The following CADPS variants were observed in gnomAD, a reference collection of about 807,000 sequenced individuals.
CADPS encodes calcium dependent secretion activator.
CADPS carries 57 observed loss-of-function variants against 167.3 expected under a neutral mutation model. That is an observed-to-expected ratio of 0.34 (90% CI 0.28 to 0.42). The LOEUF (loss-of-function observed/expected upper bound fraction) is 0.42. Ranked by LOEUF, CADPS falls within the 20% of genes least tolerant of loss-of-function variation. The pLI is 1.00. For synonymous variants in CADPS, 676 were observed against 635.3 expected (o/e 1.06, Z -0.96); for missense variants, 1,414 against 1,738.1 (o/e 0.81, Z 3.32).
At chr3:62,484,709 A>G (rs1461457363) in intron 21 of CADPS, among the ~76,000 whole-genome samples, 1 of 152,194 alleles carries the variant, frequency 6.6e-6, no homozygotes, top group Admixed American at 6.5e-5. Flanking sequence ...ATGGATAGAA[A>G]TGAGTGGAGG....
intron 11 of CADPS, among the ~76,000 whole-genome samples, chr3:62,547,674 A>T (rs1174186142): frequency 7.1e-6 from 1 of 140,006 alleles, no homozygotes; most frequent in Non-Finnish European, 1.5e-5. Context: ...TAGAGTAGTG[A>T]TACACATCAA....
chr3:62,399,343 AAC>A lies in CADPS; in HGVS notation c.*61_*62del, dbSNP rs1705040625. 3.3e-6 allele frequency: 5 copies of A among 1,506,726 alleles called. No homozygotes were observed. The highest frequency in any genetic ancestry group is 4.6e-6 in the Non-Finnish European group (5 of 1,095,188). The allele number at this position is 1,506,726 out of a possible 1,614,324, so 93.3% of individuals were successfully genotyped here. The stretch of plus-strand genomic sequence containing the variant: ...CAGAAAATTCCTAATGGGTTTAACT[AAC>A]AGACTAAGGACATGCACTGATTACA... On this transcript the variant is annotated 3_prime_UTR_variant, in exon 30 of 30. Transcript: ENST00000383710. The surrounding 1 kb of genome is among the most constrained non-coding windows in gnomAD (Gnocchi z 5.6).
At chr3:62,725,714 G>C (rs1249671126) in intron 3 of CADPS, among the ~76,000 whole-genome samples, 1 of 151,896 alleles carries the variant, frequency 6.6e-6, no homozygotes, top group Non-Finnish European at 1.5e-5. Context: ...AAGCTCACAA[G>C]CAAGTCTGTA....
intron 11 of CADPS, among the ~76,000 whole-genome samples, chr3:62,538,042 C>T (rs911173817): frequency 3.9e-5 from 6 of 152,076 alleles, no homozygotes; most frequent in African/African-American, 1.4e-4. Flanking sequence ...ACAGCCAAAT[C>T]GCTCCATTAG....
chr3:62,445,242 C>T (rs1453565592), intron 27 of CADPS, among the ~76,000 whole-genome samples: 1 of 152,078 alleles, frequency 6.6e-6, no homozygotes, highest in African/African-American at 2.4e-5. Context: ...TATGAGGTTT[C>T]CTTAAAACAA....
At chr3:62,840,795 A>G (rs2076546448) in intron 1 of CADPS, among the ~76,000 whole-genome samples, 1 of 152,228 alleles carries the variant, frequency 6.6e-6, no homozygotes, top group South Asian at 2.1e-4. Context: ...ATCAAAAATC[A>G]TAATTAAGCA....
chr3:62,753,066 G>A lies in CADPS; in HGVS notation c.888+375C>T, dbSNP rs999020320. ...GCTAAGTTCAGTAGTCTTCCCAGCT[G>A]AGGAAGCACAAGCCCTTCAACTGGC... is the stretch of plus-strand genomic sequence containing the variant. On this transcript the variant is annotated intron_variant, in intron 3 of 29. Transcript: ENST00000383710. This position sits in a 1 kb window ranked among gnomAD's most constrained non-coding sequence, Gnocchi z 4.6. 3.9e-5 allele frequency among the ~76,000 whole-genome samples: 6 copies of A among 152,184 alleles called. No individual in the cohort carries two copies. Among genetic ancestry groups the A allele is most frequent in the African/African-American group, 1.2e-4 (5 of 41,458 alleles).
At chr3:62,614,185 T>C (rs2061913212) in intron 6 of CADPS, among the ~76,000 whole-genome samples, 1 of 152,210 alleles carries the variant, frequency 6.6e-6, no homozygotes. Flanking sequence ...ACATATTATT[T>C]TATTTAATCC....
intron 21 of CADPS, among the ~76,000 whole-genome samples, chr3:62,488,702 C>A (rs1321826283): frequency 6.6e-6 from 1 of 151,958 alleles, no homozygotes; most frequent in African/African-American, 2.4e-5. Context: ...GTTGCCCAGA[C>A]TGGTCTTGAA....
intron 6 of CADPS, among the ~76,000 whole-genome samples, chr3:62,641,917 C>A (rs72874455): frequency 0.044 from 6,701 of 152,058 alleles, 501 homozygotes; most frequent in African/African-American, 0.15. Flanking sequence ...AACTAATGAA[C>A]GCAGTGTTAT....
intron 26 of CADPS, among the ~76,000 whole-genome samples, chr3:62,447,902 A>G (rs1486885898): frequency 6.6e-6 from 1 of 151,840 alleles, no homozygotes; most frequent in Admixed American, 6.6e-5. Context: ...TGTCTCCCCC[A>G]TGTATACTAT....
intron 1 of CADPS, among the ~76,000 whole-genome samples, chr3:62,837,799 C>T (rs1223411528): frequency 1.3e-5 from 2 of 152,128 alleles, no homozygotes; most frequent in East Asian, 1.9e-4. Flanking sequence ...AAAAGATTTA[C>T]CCATTCTGAT....
At chr3:62,405,136 TGG>T (rs34330263) in intron 28 of CADPS, among the ~76,000 whole-genome samples, 72,478 of 123,642 alleles carry the variant, frequency 0.59, 21,022 homozygotes, top group East Asian at 0.68. Context: ...ACATGTAATC[TGG>T]GGGGGGGGGG....
At chr3:62,686,484 A>G (rs539882102) in intron 3 of CADPS, among the ~76,000 whole-genome samples, 1 of 152,166 alleles carries the variant, frequency 6.6e-6, no homozygotes, top group South Asian at 2.1e-4. Flanking sequence ...GAATTTCTGA[A>G]GTTTTTCTCT....
chr3:62,563,534 T>C (rs934834766), intron 9 of CADPS, among the ~76,000 whole-genome samples: 2 of 152,256 alleles, frequency 1.3e-5, no homozygotes, highest in African/African-American at 4.8e-5. Flanking sequence ...CACAATGCTT[T>C]ATTTAAAAAA....
intron 8 of CADPS, among the ~76,000 whole-genome samples, chr3:62,582,915 A>G (rs2083724486): frequency 6.6e-6 from 1 of 152,218 alleles, no homozygotes; most frequent in Non-Finnish European, 1.5e-5. Flanking sequence ...GAGTGAATGA[A>G]GAGAATGTGG....
intron 27 of CADPS, among the ~76,000 whole-genome samples, chr3:62,444,122 C>T (rs1382575409): frequency 1.3e-5 from 2 of 152,190 alleles, no homozygotes; most frequent in Non-Finnish European, 2.9e-5. Flanking sequence ...CTACAGGCCA[C>T]CTGTTCAAAC....
intron 3 of CADPS, among the ~76,000 whole-genome samples, chr3:62,704,652 T>C (rs1341287402): frequency 6.6e-6 from 1 of 152,134 alleles, no homozygotes; most frequent in Non-Finnish European, 1.5e-5. Context: ...CACTGACAAA[T>C]GCTAGGGATT....
intron 17 of CADPS, among the ~76,000 whole-genome samples, chr3:62,501,015 G>A (rs2065681655): frequency 6.6e-6 from 1 of 152,178 alleles, no homozygotes; most frequent in South Asian, 2.1e-4. Context: ...GGGCCTGAGG[G>A]CTAGTGTGAA....
Sources: allele counts gnomAD v4.1 joint callset (sites outside exome capture counted in the v4.1 genomes callset), GRCh38; gene constraint gnomAD v4.1.1; non-coding constraint Gnocchi (gnomAD v3.1); transcripts MANE v1.5; gene names NCBI Gene and HGNC (gene_info 2026-07-23, HGNC 2026-07-21).